ZDHHC14: variants seen among roughly 807,000 people sequenced by gnomAD.
The protein encoded by ZDHHC14 is zDHHC palmitoyltransferase 14.
ZDHHC14 carries 16 observed loss-of-function variants against 47.7 expected under a neutral mutation model. The ratio of observed to expected loss-of-function variants is 0.34; its 90% CI spans 0.23 to 0.51. ZDHHC14 has a LOEUF of 0.51. Ranked by LOEUF, ZDHHC14 falls within the 20% of genes least tolerant of loss-of-function variation. The pLI, the probability that ZDHHC14 is intolerant of heterozygous loss-of-function variation, is 0.97. For synonymous variants in ZDHHC14, 293 were observed against 278.9 expected, an observed-to-expected ratio of 1.05 and a Z score of -0.50; for missense variants, 515 against 662.5, an observed-to-expected ratio of 0.78 and a Z score of 2.44.
intron 2 of ZDHHC14, among the ~76,000 whole-genome samples, chr6:157,546,957 T>C (rs984572372): frequency 6.6e-6 from 1 of 152,168 alleles, no homozygotes; most frequent in Non-Finnish European, 1.5e-5. Context: ...GCAAGGCTAG[T>C]GATTTAGGAA....
At chr6:157,475,155 C>T (rs1035608915) in intron 1 of ZDHHC14, among the ~76,000 whole-genome samples, 6 of 151,992 alleles carry the variant, frequency 3.9e-5, no homozygotes, top group Admixed American at 1.3e-4. Context: ...TTTTCCTTTG[C>T]GTGTTTTAGG....
chr6:157,658,912 A>G (rs1778224566), intron 8 of ZDHHC14, among the ~76,000 whole-genome samples: 1 of 152,118 alleles, frequency 6.6e-6, no homozygotes, highest in African/African-American at 2.4e-5. Context: ...AAGATTTGGG[A>G]CAATTTGCCA....
intron 2 of ZDHHC14, among the ~76,000 whole-genome samples, chr6:157,572,351 T>C (rs146150383): frequency 3.3e-3 from 498 of 152,306 alleles, no homozygotes; most frequent in African/African-American, 0.011. Context: ...CTGCCCTAGA[T>C]GATCCCGATC....
At chr6:157,493,031 G>A (rs538398100) in intron 1 of ZDHHC14, among the ~76,000 whole-genome samples, 2 of 152,254 alleles carry the variant, frequency 1.3e-5, no homozygotes, top group East Asian at 3.9e-4. Context: ...AGGCAGGGGA[G>A]TCACCTTTTA....
Position 157,582,691 on chromosome 6 carries a change from T to C in ZDHHC14, c.407-10297T>C, listed in dbSNP as rs1783558621. ...TCTCTCATTTTCATCTTGGAGAATC[T>C]GATGATTATGTGTCTTGGGGATATT... is the stretch of plus-strand genomic sequence containing the variant. On this transcript the variant is annotated intron_variant, in intron 2 of 8. Transcript: ENST00000359775. The surrounding 1 kb of genome is among the most constrained non-coding windows in gnomAD (Gnocchi z 4.3). Among the ~76,000 whole-genome samples the C allele has an allele frequency of 6.6e-6, 1 of 152,216 alleles. No homozygotes were observed. The highest frequency in any genetic ancestry group is 2.4e-5 in the African/African-American group (1 of 41,460).
At chr6:157,517,761 C>G (rs1301087291) in intron 1 of ZDHHC14, among the ~76,000 whole-genome samples, 1 of 152,248 alleles carries the variant, frequency 6.6e-6, no homozygotes, top group Non-Finnish European at 1.5e-5. Context: ...CTCGCCCTCA[C>G]GGCCGCCTAC....
chr6:157,484,273 A>G (rs900603886), intron 1 of ZDHHC14, among the ~76,000 whole-genome samples: 2 of 134,958 alleles, frequency 1.5e-5, no homozygotes, highest in Admixed American at 7.9e-5. Flanking sequence ...ATATATGTAT[A>G]TATACGTATA....
At chr6:157,645,594 C>T (rs951295731) in intron 5 of ZDHHC14, 143 bp from the exon 6 acceptor site, 10 of 626,154 alleles carry the variant, frequency 1.6e-5, no homozygotes, top group African/African-American at 1.3e-4. Context: ...CCCGGAAGAG[C>T]AGGAAGCAAG....
At chr6:157,595,309 C>T (rs1407746742) in intron 3 of ZDHHC14, among the ~76,000 whole-genome samples, 1 of 151,088 alleles carries the variant, frequency 6.6e-6, no homozygotes, top group Non-Finnish European at 1.5e-5. Context: ...TCTCCTGCCC[C>T]AGCCTCCCGA....
At chr6:157,635,886 A>C (rs1194390078) in intron 5 of ZDHHC14, among the ~76,000 whole-genome samples, 1 of 152,220 alleles carries the variant, frequency 6.6e-6, no homozygotes, top group African/African-American at 2.4e-5. Flanking sequence ...GATGGAGGTA[A>C]AGAGTTTTCC....
At chr6:157,560,449 G>C (rs1469738922) in intron 2 of ZDHHC14, among the ~76,000 whole-genome samples, 1 of 152,144 alleles carries the variant, frequency 6.6e-6, no homozygotes, top group Non-Finnish European at 1.5e-5. Context: ...ATATCTAATG[G>C]CTTATAAAAG....
At chr6:157,628,238 C>T in intron 3 of ZDHHC14, 111 bp from the exon 4 acceptor site, 1 of 1,063,602 alleles carries the variant, frequency 9.4e-7, no homozygotes, top group South Asian at 1.6e-5. Context: ...AGAATAATAT[C>T]ATTGTGTTAT....
intron 1 of ZDHHC14, among the ~76,000 whole-genome samples, chr6:157,482,249 TC>T (rs1779648350): frequency 7.2e-6 from 1 of 137,972 alleles, no homozygotes; most frequent in Admixed American, 7.5e-5. Context: ...CGTCTATATT[TC>T]TTTTCTTTTC....
intron 8 of ZDHHC14, among the ~76,000 whole-genome samples, chr6:157,668,697 C>A (rs1193305565): frequency 6.6e-6 from 1 of 151,848 alleles, no homozygotes. Context: ...GAGACTCCAT[C>A]TCAAAAAAAA....
chr6:157,660,893 A>G (rs1778317705), intron 8 of ZDHHC14, among the ~76,000 whole-genome samples: 2 of 152,220 alleles, frequency 1.3e-5, no homozygotes, highest in South Asian at 4.1e-4. Flanking sequence ...CAAGTAATAC[A>G]TGGTCTATTC....
At chr6:157,477,240 C>T (rs527360028) in intron 1 of ZDHHC14, among the ~76,000 whole-genome samples, 16 of 152,198 alleles carry the variant, frequency 1.1e-4, no homozygotes, top group Middle Eastern at 6.8e-3. Flanking sequence ...ATTAGCTGGG[C>T]GTGGTGGTGT....
At position 157,416,978 on chromosome 6, in the gene ZDHHC14, T is replaced by TTTG. The variant is rs1554256465; in HGVS notation, c.245+34714_245+34715insGTT. 2.4e-4 allele frequency among the ~76,000 whole-genome samples: 25 copies of TTTG among 105,706 alleles called. 1 individual carries two copies. The highest frequency in any genetic ancestry group is 7.1e-4 in the African/African-American group (22 of 31,176). 69.3% of individuals were successfully genotyped at this position (105,706 alleles called of 152,430 possible). ...CCGCCACCATGCCTGGCTAGTTTTTTTTTTTTTTTTTTTTTTTTTTTTTGT... is the reference window on the plus strand; with the variant it reads ...CCGCCACCATGCCTGGCTAGTTTTTTTTGTTTTTTTTTTTTTTTTTTTTTTTGT... On this transcript the variant is annotated intron_variant, in intron 1 of 8. Transcript: ENST00000359775.
In ZDHHC14 at chr6:157,678,029, CAG is replaced by C. The variant is rs1260633788; in HGVS notation, c.*4911_*4912del. ...ACATGTACATAACATTTCATGTTTT[CAG>C]AGATACGTATGCTTATTTAAGTGCC... On this transcript the variant is annotated 3_prime_UTR_variant, in exon 9 of 9. Coordinates refer to ENST00000359775, the MANE Select transcript of ZDHHC14 (RefSeq NM_024630.3). 6.6e-6 allele frequency: 1 copy of C among 151,438 alleles called. No homozygotes were observed. The highest frequency in any genetic ancestry group is 1.9e-4 in the East Asian group (1 of 5,178). 9.4% of individuals were successfully genotyped at this position (151,438 alleles called of 1,614,324 possible). A position where few individuals can be genotyped will look rare whatever the true frequency, so the allele number is the denominator to read the frequency against.
chr6:157,668,755 C>G (rs1778664381), intron 8 of ZDHHC14, among the ~76,000 whole-genome samples: 1 of 152,168 alleles, frequency 6.6e-6, no homozygotes, highest in Non-Finnish European at 1.5e-5. Context: ...TCTTCTTTCA[C>G]AAATATTATT....
Sources: allele counts gnomAD v4.1 joint callset (sites outside exome capture counted in the v4.1 genomes callset), GRCh38; gene constraint gnomAD v4.1.1; non-coding constraint Gnocchi (gnomAD v3.1); transcripts MANE v1.5; gene names NCBI Gene and HGNC (gene_info 2026-07-23, HGNC 2026-07-21).